Variants in PALM2AKAP2 observed in about 807,000 individuals in gnomAD.
PALM2AKAP2 encodes PALM2-AKAP2 fusion protein.
PALM2AKAP2 carries 37 observed loss-of-function variants against 71.5 expected under a neutral mutation model. That is an observed-to-expected ratio of 0.52 (90% CI 0.40 to 0.68). The LOEUF (loss-of-function observed/expected upper bound fraction) is 0.68. Ranked by LOEUF, PALM2AKAP2 falls within the 30% of genes least tolerant of loss-of-function variation. The probability of loss-of-function intolerance (pLI) is 0.00; values close to 1 mark genes in which losing one functional copy is unlikely to be tolerated. For missense variants in PALM2AKAP2, 1,224 were observed against 1,191.8 expected (o/e 1.03, Z -0.40); for synonymous variants, 468 against 478.8 (o/e 0.98, Z 0.29).
At chr9:109,707,852 A>G (rs537351258) in intron 1 of PALM2AKAP2, among the ~76,000 whole-genome samples, 34 of 152,310 alleles carry the variant, frequency 2.2e-4, no homozygotes, top group African/African-American at 7.5e-4. Flanking sequence ...GTGCCATCCA[A>G]TAAATGATCT....
intron 1 of PALM2AKAP2, among the ~76,000 whole-genome samples, chr9:110,059,250 T>C (rs1833911032): frequency 6.6e-6 from 1 of 152,222 alleles, no homozygotes; most frequent in Non-Finnish European, 1.5e-5. Flanking sequence ...GCTCCTGTCA[T>C]TCATCCAGTT....
intron 1 of PALM2AKAP2, among the ~76,000 whole-genome samples, chr9:110,106,596 A>G (rs1257324124): frequency 2.0e-5 from 3 of 152,060 alleles, no homozygotes; most frequent in Non-Finnish European, 4.4e-5. Flanking sequence ...TGATGCTTAC[A>G]TTGTCCCAGT....
At position 110,040,660 on chromosome 9, in the gene PALM2AKAP2, C is replaced by T. The variant is rs187070027; in HGVS notation, c.582+24621C>T. Among the ~76,000 whole-genome samples the T allele has an allele frequency of 4.7e-3, 711 of 152,122 alleles. 1 individual carries two copies. The highest frequency in any genetic ancestry group is 8.3e-3 in the Non-Finnish European group (565 of 67,980). ...CAAATTACTAGGAAAATGTTACAGT[C>T]GTATTTTTTTTAACAAAAACTAAGA... On this transcript the variant is annotated intron_variant, in intron 7 of 9. Coordinates refer to the PALM2AKAP2 transcript ENST00000302798.
intron 1 of PALM2AKAP2, among the ~76,000 whole-genome samples, chr9:109,674,823 C>T (rs904149694): frequency 2.0e-5 from 3 of 151,850 alleles, no homozygotes; most frequent in South Asian, 4.2e-4. Context: ...GAGGAGATCC[C>T]GCATCTTAAA....
Position 109,653,441 on chromosome 9 carries a change from G to A in PALM2AKAP2, c.5+12575G>A, listed in dbSNP as rs183973271. Among the ~76,000 whole-genome samples the A allele has an allele frequency of 1.5e-3, 226 of 152,280 alleles. 2 individuals are homozygous for A. Among genetic ancestry groups the A allele is most frequent in the African/African-American group, 5.1e-3 (214 of 41,564 alleles). On this transcript the variant is annotated intron_variant, in intron 1 of 6. Transcript: ENST00000374531. ...GCACCTATGAGCCATCCAGAGAAACGTTAAATAAGTTGGTCCAGAAACACT... is the reference window on the plus strand; with the variant it reads ...GCACCTATGAGCCATCCAGAGAAACATTAAATAAGTTGGTCCAGAAACACT...
chr9:110,060,122 GTTTTTGTTTTA>G (rs1419899856), intron 1 of PALM2AKAP2, among the ~76,000 whole-genome samples: 1 of 147,630 alleles, frequency 6.8e-6, no homozygotes, highest in Non-Finnish European at 1.5e-5. Flanking sequence ...TTTTGTTTTT[GTTTTTGTTTTA>G]GATGAGTCTT....
intron 3 of PALM2AKAP2, among the ~76,000 whole-genome samples, chr9:109,884,204 G>A (rs539031458): frequency 6.6e-6 from 1 of 152,218 alleles, no homozygotes; most frequent in Non-Finnish European, 1.5e-5. Context: ...GCTCATGCCT[G>A]TAATCCCAGC....
chr9:110,097,973 A>C (rs1400382449), intron 1 of PALM2AKAP2, among the ~76,000 whole-genome samples: 1 of 143,930 alleles, frequency 6.9e-6, no homozygotes, highest in Non-Finnish European at 1.5e-5. Flanking sequence ...AGCCCGGCCA[A>C]CACAGCGAAA....
intron 6 of PALM2AKAP2, among the ~76,000 whole-genome samples, chr9:109,957,232 C>A (rs1381229995): frequency 1.3e-5 from 2 of 152,146 alleles, no homozygotes; most frequent in Non-Finnish European, 1.5e-5. Flanking sequence ...TGGGCTCTTG[C>A]TGAGTTAATT....
At chr9:109,798,789 T>C (rs1480589922) in intron 1 of PALM2AKAP2, among the ~76,000 whole-genome samples, 1 of 152,236 alleles carries the variant, frequency 6.6e-6, no homozygotes, top group Non-Finnish European at 1.5e-5. Flanking sequence ...TATCAATTTG[T>C]TTGTGCCTGA....
chr9:110,043,714 G>GTTTTTT (rs71492869), upstream of PALM2AKAP2, among the ~76,000 whole-genome samples: 14 of 98,398 alleles, frequency 1.4e-4, 1 homozygote, highest in Admixed American at 2.4e-4. Flanking sequence ...GTTTTTTTTG[G>GTTTTTT]TGTTTTTTTT....
intron 1 of PALM2AKAP2, among the ~76,000 whole-genome samples, chr9:109,781,673 C>T (rs1453411342): frequency 1.3e-5 from 2 of 152,188 alleles, no homozygotes; most frequent in Non-Finnish European, 2.9e-5. Flanking sequence ...CTTTCTCAAA[C>T]GCCTCAAATC....
chr9:109,766,660 C>T (rs182868191), intron 1 of PALM2AKAP2, among the ~76,000 whole-genome samples: 1 of 152,302 alleles, frequency 6.6e-6, no homozygotes, highest in Non-Finnish European at 1.5e-5. Flanking sequence ...ATTTAAATAG[C>T]GGATTACAAA....
intron 1 of PALM2AKAP2, among the ~76,000 whole-genome samples, chr9:110,067,429 G>A (rs1203154034): frequency 1.3e-5 from 2 of 152,162 alleles, no homozygotes; most frequent in African/African-American, 4.8e-5. Flanking sequence ...ATCTATTCCT[G>A]TTTGGCTGCT....
At chr9:109,868,766 C>G (rs1030191697) in intron 2 of PALM2AKAP2, among the ~76,000 whole-genome samples, 3 of 152,174 alleles carry the variant, frequency 2.0e-5, no homozygotes, top group Non-Finnish European at 1.5e-5. Context: ...AAGGATATTG[C>G]CTGTTTCTCT....
At chr9:109,944,723 T>G (rs1458310151) in intron 6 of PALM2AKAP2, 4 of 152,164 alleles carry the variant, frequency 2.6e-5, no homozygotes, top group Admixed American at 6.5e-5. Context: ...GCAAAGAATA[T>G]TTTTTATCTA....
At chr9:109,917,043 C>T (rs1250032545) in intron 3 of PALM2AKAP2, among the ~76,000 whole-genome samples, 1 of 152,122 alleles carries the variant, frequency 6.6e-6, no homozygotes. Flanking sequence ...AGATCAGTAT[C>T]CTGGATTATC....
intron 1 of PALM2AKAP2, among the ~76,000 whole-genome samples, chr9:110,107,332 G>C (rs1314585943): frequency 6.6e-6 from 1 of 152,058 alleles, no homozygotes; most frequent in Non-Finnish European, 1.5e-5. Flanking sequence ...TGTATGTACG[G>C]AAACATCACT....
upstream of PALM2AKAP2, among the ~76,000 whole-genome samples, chr9:109,776,461 G>A (rs1829350072): frequency 6.6e-6 from 1 of 152,170 alleles, no homozygotes; most frequent in South Asian, 2.1e-4. Flanking sequence ...TCCAAAGAAG[G>A]AAGCTTGGGC....
Sources: allele counts gnomAD v4.1 joint callset (sites outside exome capture counted in the v4.1 genomes callset), GRCh38; gene constraint gnomAD v4.1.1; transcripts MANE v1.5; gene names NCBI Gene and HGNC (gene_info 2026-07-23, HGNC 2026-07-21).